DLG4: variants seen among roughly 807,000 people sequenced by gnomAD.
The protein encoded by DLG4 is disks large homolog 4.
DLG4 carries 7 observed loss-of-function variants against 93.8 expected under a neutral mutation model. That is an observed-to-expected ratio of 0.07 (90% CI 0.04 to 0.14). The LOEUF (loss-of-function observed/expected upper bound fraction) is 0.14. DLG4 is among the 10% of genes least tolerant of loss of function. The pLI is 1.00. For missense variants in DLG4, 545 were observed against 992.9 expected (o/e 0.55, Z 6.06); for synonymous variants, 341 against 387.6 (o/e 0.88, Z 1.41).
rs750066413 is a variant in DLG4, at chr17:7,193,553, C to T, written c.1623G>A (p.Gly541=). 72 of 1,533,416 alleles carry T rather than the reference C, an allele frequency of 4.7e-5. No individual in the cohort carries two copies. The highest frequency in any genetic ancestry group is 3.8e-4 in the Admixed American group (17 of 44,536). The allele number at this position is 1,533,416 out of a possible 1,614,324, so 95.0% of individuals were successfully genotyped here. The change falls in exon 16 of 20, where the codon GGG becomes GGA. Residue 541 remains glycine (G), a synonymous_variant. Coordinates refer to ENST00000399506, the MANE Select transcript of DLG4 (RefSeq NM_001321075.3). This position sits in a 1 kb window ranked among gnomAD's most constrained non-coding sequence, Gnocchi z 6.7. ...CATCGTTGGCGCGGTCCTTGGTGGG[C>T]CCAAGGATGATGATGGGGCGAGCAT... ...VHYARPIIIL[G]PTKDRANDDL...
rs1042348102 is a variant in DLG4, at chr17:7,195,626, G to A, written c.1301+594C>T. On this transcript the variant is annotated intron_variant, in intron 11 of 19. Transcript: ENST00000399506. This position sits in a 1 kb window ranked among gnomAD's most constrained non-coding sequence, Gnocchi z 4.3. ...TCTGGAAATAGGTCAGCCAGGGCCA[G>A]CACCTCCGAGAGACATCTGCAGAGC... 3.3e-5 allele frequency among the ~76,000 whole-genome samples: 5 copies of A among 152,156 alleles called. No individual in the cohort carries two copies. Among genetic ancestry groups the A allele is most frequent in the African/African-American group, 4.8e-5 (2 of 41,432 alleles).
chr17:7,208,136 T>C lies in DLG4; in HGVS notation c.96+38A>G. On this transcript the variant is annotated intron_variant, in intron 2 of 19. Transcript: ENST00000399506. The surrounding 1 kb of genome is among the most constrained non-coding windows in gnomAD (Gnocchi z 5.4). ...GTGGCCAGCCTCGAGGTGGGACAAG[T>C]TCCTCTCCGCCACGTGCACCAGCTC... is the stretch of plus-strand genomic sequence containing the variant. 1 of 1,320,216 alleles carries C rather than the reference T, an allele frequency of 7.6e-7. No individual in the cohort carries two copies. Among genetic ancestry groups the C allele is most frequent in the Non-Finnish European group, 9.8e-7 (1 of 1,024,920 alleles). The allele number at this position is 1,320,216 out of a possible 1,614,324, so 81.8% of individuals were successfully genotyped here.
At position 7,187,222 on chromosome 17, in the gene DLG4, C is replaced by T. The variant is rs951619948; in HGVS notation, c.*3486G>A. ...TATTTATTTGAATTGTTGTCAGGTA[C>T]GTGTACTGATTATAATTTACAAAAT... On this transcript the variant is annotated 3_prime_UTR_variant, in exon 20 of 20. Transcript: ENST00000399506. Among the ~76,000 whole-genome samples the T allele has an allele frequency of 2.0e-5, 3 of 146,954 alleles. No individual in the cohort carries two copies. The highest frequency in any genetic ancestry group is 1.5e-4 in the Admixed American group (2 of 13,764).
At chr17:7,214,748 AGGGGGAG>A (rs1465238160) in intron 1 of DLG4, among the ~76,000 whole-genome samples, 4 of 152,188 alleles carry the variant, frequency 2.6e-5, no homozygotes, top group Non-Finnish European at 5.9e-5. Flanking sequence ...GCGCGGGGAA[AGGGGGAG>A]GGACGGGGGC....
In DLG4 at chr17:7,194,431, A is replaced by C. The variant is rs1394364368; in HGVS notation, c.1366T>G (p.Phe456Val). 6.2e-7 allele frequency: 1 copy of C among 1,612,296 alleles called. No individual in the cohort carries two copies. The highest frequency in any genetic ancestry group is 8.5e-7 in the Non-Finnish European group (1 of 1,179,294). The stretch of plus-strand genomic sequence containing the variant: ...TCGATGACATGCAGCACATCCCCAA[A>C]GCGGAAGCTCAGGGCCTGGCTCAGG... ...GFLSQALSFR[F>V]GDVLHVIDAS... is the part of the protein sequence containing the mutation. Residue 456 changes from phenylalanine to valine, a missense_variant, in exon 12 of 20, where the codon TTT (phenylalanine) becomes GTT (valine). By Grantham distance (50) the Phe-to-Val change is conservative. Transcript: ENST00000399506. This position sits in a 1 kb window ranked among gnomAD's most constrained non-coding sequence, Gnocchi z 4.4.
intron 1 of DLG4, among the ~76,000 whole-genome samples, chr17:7,212,124 C>A (rs1201432964): frequency 6.6e-6 from 1 of 152,064 alleles, no homozygotes; most frequent in Non-Finnish European, 1.5e-5. Context: ...CACTACTGGC[C>A]TCCCAGAGTC....
chr17:7,193,338 G>T lies in DLG4; in HGVS notation c.1693+145C>A. On this transcript the variant is annotated intron_variant, in intron 16 of 19. Coordinates refer to ENST00000399506, the MANE Select transcript of DLG4 (RefSeq NM_001321075.3). This position sits in a 1 kb window ranked among gnomAD's most constrained non-coding sequence, Gnocchi z 6.7. ...ATGGGTACTATGGAATGAGAGGGTG[G>T]CTGAGAAGCACCCCTTCTCGGAGAA... The T allele has an allele frequency of 3.0e-6, 3 of 1,000,628 alleles. No homozygotes were observed. The highest frequency in any genetic ancestry group is 4.3e-6 in the Non-Finnish European group (3 of 694,876). 62.0% of individuals were successfully genotyped at this position (1,000,628 alleles called of 1,614,324 possible).
At position 7,207,018 on chromosome 17, in the gene DLG4, G is replaced by A. The variant is rs192591075; in HGVS notation, c.96+1156C>T. Among the ~76,000 whole-genome samples the A allele has an allele frequency of 2.3e-3, 353 of 152,216 alleles. 2 individuals are homozygous for A. Among genetic ancestry groups the A allele is most frequent in the Non-Finnish European group, 4.1e-3 (282 of 68,020 alleles). On this transcript the variant is annotated intron_variant, in intron 2 of 19. Transcript: ENST00000399506. ...TGGAAAGTGGACTGGAGAATGGAAG[G>A]TCCCAGAAACCAGGCCTCCCGGGAC...
rs1413002190 is a variant in DLG4, at chr17:7,188,341, C to A, written c.*2367G>T. Among the ~76,000 whole-genome samples the A allele has an allele frequency of 6.6e-6, 1 of 152,186 alleles. No individual in the cohort carries two copies. The highest frequency in any genetic ancestry group is 6.5e-5 in the Admixed American group (1 of 15,278). The stretch of plus-strand genomic sequence containing the variant: ...TCACTACCCCTGGGTTGGTCTTTTG[C>A]ATGAAACTCTCAACTTTAGTCAGGA... On this transcript the variant is annotated 3_prime_UTR_variant, in exon 20 of 20. Transcript: ENST00000399506.
rs867197785 is a variant in DLG4, at chr17:7,187,314, G to T, written c.*3394C>A. Among the ~76,000 whole-genome samples the T allele has an allele frequency of 1.7e-5, 2 of 116,180 alleles. 1 individual carries two copies. Among genetic ancestry groups the T allele is most frequent in the Non-Finnish European group, 4.1e-5 (2 of 48,636 alleles). 76.2% of individuals were successfully genotyped at this position (116,180 alleles called of 152,430 possible). A position where few individuals can be genotyped will look rare whatever the true frequency, so the allele number is the denominator to read the frequency against. ...TAGCACTTTGGGAGGCCGAGGGGGG[G>T]GGGGGTGGATCACCCGAGGTCAGGA... On this transcript the variant is annotated 3_prime_UTR_variant, in exon 20 of 20. Transcript: ENST00000399506.
Position 7,190,601 on chromosome 17 carries a change from A to C in DLG4, c.*107T>G, listed in dbSNP as rs1008651657. ...CCAGTTAGAAAGGAAATAAATAAGA[A>C]GGGGTGGGAGGGAGGCCGGGGGGAG... On this transcript the variant is annotated 3_prime_UTR_variant, in exon 20 of 20. Coordinates refer to ENST00000399506, the MANE Select transcript of DLG4 (RefSeq NM_001321075.3). 15 of 796,312 alleles carry C rather than the reference A, an allele frequency of 1.9e-5. No homozygotes were observed. The highest frequency in any genetic ancestry group is 1.7e-4 in the African/African-American group (10 of 57,414). The allele number at this position is 796,312 out of a possible 1,614,324, so 49.3% of individuals were successfully genotyped here. A position where few individuals can be genotyped will look rare whatever the true frequency, so the allele number is the denominator to read the frequency against.
intron 17 of DLG4, chr17:7,192,257 G>T: frequency 2.4e-6 from 1 of 414,816 alleles, no homozygotes. Context: ...GAGGAAGGGA[G>T]GAGCACCAGG....
upstream of DLG4, chr17:7,218,336 T>A (rs867936823): frequency 6.4e-7 from 1 of 1,554,520 alleles, no homozygotes; most frequent in Middle Eastern, 1.7e-4. Context: ...TCCAGGCACA[T>A]CACCCCTGTC....
At position 7,189,438 on chromosome 17, in the gene DLG4, G is replaced by C. The variant is rs55742293; in HGVS notation, c.*1270C>G. On this transcript the variant is annotated 3_prime_UTR_variant, in exon 20 of 20. Coordinates refer to ENST00000399506, the MANE Select transcript of DLG4 (RefSeq NM_001321075.3). ...AGGGTGGCAGAGATCACAGTGAGCC[G>C]AGATCGAGCCACTGCACTCCAGCCT... Among the ~76,000 whole-genome samples the C allele has an allele frequency of 6.7e-6, 1 of 149,344 alleles. No homozygotes were observed. The highest frequency in any genetic ancestry group is 1.5e-5 in the Non-Finnish European group (1 of 67,242).
At chr17:7,202,698 A>G (rs2070208287) in intron 8 of DLG4, 2 of 680,592 alleles carry the variant, frequency 2.9e-6, no homozygotes, top group South Asian at 2.6e-5. Context: ...TGTGCCTTCC[A>G]GGAGAGAGAT....
intron 1 of DLG4, among the ~76,000 whole-genome samples, chr17:7,214,279 G>C (rs2142927644): frequency 6.6e-6 from 1 of 152,162 alleles, no homozygotes. Flanking sequence ...TCTCCTTTAC[G>C]CACGGGGGGC....
At position 7,191,972 on chromosome 17, in the gene DLG4, TG is replaced by T; in HGVS notation, c.1896del (p.Asn633MetfsTer27). On this transcript the variant is annotated frameshift_variant, in exon 18 of 20. Transcript: ENST00000399506. LOFTEE classifies it high-confidence loss of function. This position sits in a 1 kb window ranked among gnomAD's most constrained non-coding sequence, Gnocchi z 6.6. Reference sequence around the variant, plus strand: ...GCCGCCTGCAGCCGCCGCACGGCATTGGCCGAGACATCGAGGATGCAGTGCT... The same window carrying T: ...GCCGCCTGCAGCCGCCGCACGGCATTGCCGAGACATCGAGGATGCAGTGCT... ...QGKHCILDVS[A>X]NAVRRLQAAH... 6.8e-7 allele frequency: 1 copy of T among 1,470,622 alleles called. No individual in the cohort carries two copies. The highest frequency in any genetic ancestry group is 1.4e-5 in the South Asian group (1 of 68,982). 91.1% of individuals were successfully genotyped at this position (1,470,622 alleles called of 1,614,324 possible). A position where few individuals can be genotyped will look rare whatever the true frequency, so the allele number is the denominator to read the frequency against.
At position 7,211,531 on chromosome 17, in the gene DLG4, G is replaced by A. The variant is rs551490285; in HGVS notation, c.31-3292C>T. 2.3e-4 allele frequency: 50 copies of A among 219,952 alleles called. No individual in the cohort carries two copies. In the South Asian group the frequency reaches 4.2e-3, roughly 19 times the overall value. 13.6% of individuals were successfully genotyped at this position (219,952 alleles called of 1,614,324 possible). ...GGGGCGACCCACGGCGCCTGTCCAC[G>A]AGAAGTTGCAACCCAGAGACCCCGC... On this transcript the variant is annotated intron_variant, in intron 1 of 19. Coordinates refer to ENST00000399506, the MANE Select transcript of DLG4 (RefSeq NM_001321075.3).
chr17:7,188,642 T>C lies in DLG4; in HGVS notation c.*2066A>G, dbSNP rs144690268. On this transcript the variant is annotated 3_prime_UTR_variant, in exon 20 of 20. Coordinates refer to ENST00000399506, the MANE Select transcript of DLG4 (RefSeq NM_001321075.3). ...AAGAACTAAAATTATTTCTCCCTTA[T>C]AATAAAGAAGTAGGTAATTGACAAT... 4.7e-4 allele frequency among the ~76,000 whole-genome samples: 71 copies of C among 152,288 alleles called. 2 individuals carry two copies. In the East Asian group the frequency reaches 0.011, roughly 24 times the overall value.
Sources: gnomAD v4.1 joint callset for allele counts (sites outside exome capture counted in the v4.1 genomes callset) on GRCh38, gnomAD v4.1.1 for gene constraint, Gnocchi (gnomAD v3.1) non-coding constraint, MANE v1.5 for transcripts, NCBI Gene and HGNC (gene_info 2026-07-23, HGNC 2026-07-21) for gene names.